PRKCZ: variants seen among roughly 807,000 people sequenced by gnomAD.
PRKCZ encodes the protein protein kinase C zeta type.
In PRKCZ, 33 loss-of-function variants were observed where a neutral mutation model predicts 79.5. The ratio of observed to expected loss-of-function variants is 0.41; its 90% confidence interval spans 0.31 to 0.55. The LOEUF is 0.55. Among genes scored for constraint, PRKCZ ranks in the 20% least tolerant of loss-of-function variants. The probability of loss-of-function intolerance (pLI) is 0.19; values close to 1 mark genes in which losing one functional copy is unlikely to be tolerated. For synonymous variants in PRKCZ, 342 were observed against 320.9 expected, an observed-to-expected ratio of 1.07 and a Z score of -0.70; for missense variants, 578 against 813.5, an observed-to-expected ratio of 0.71 and a Z score of 3.52.
At chr1:2,170,998 G>C (rs1684312271) in intron 11 of PRKCZ, among the ~76,000 whole-genome samples, 1 of 152,156 alleles carries the variant, frequency 6.6e-6, no homozygotes, top group African/African-American at 2.4e-5. Flanking sequence ...CGGTTCTTTG[G>C]GGTATACACC....
intron 4 of PRKCZ, among the ~76,000 whole-genome samples, chr1:2,081,290 A>G (rs1212036601): frequency 6.6e-6 from 1 of 151,054 alleles, no homozygotes. Context: ...AGATTGTTCC[A>G]GCTTTGGGCA....
intron 6 of PRKCZ, chr1:2,145,216 C>T (rs764797589): frequency 2.0e-5 from 3 of 152,256 alleles, no homozygotes; most frequent in African/African-American, 7.2e-5. Context: ...CTCATAGGTC[C>T]ACTTTAGCGT....
At chr1:2,181,795 C>T (rs912573947) in intron 16 of PRKCZ, 6 of 454,972 alleles carry the variant, frequency 1.3e-5, no homozygotes, top group African/African-American at 1.0e-4. Flanking sequence ...AGGGAAAGTA[C>T]TTTAGGAAAT....
chr1:2,169,048 A>G, intron 10 of PRKCZ: 1 of 418,194 alleles, frequency 2.4e-6, no homozygotes, highest in Non-Finnish European at 5.0e-6. Context: ...GTTCCCTTGG[A>G]GGGCCGGTGG....
rs1329261329 is a variant in PRKCZ, at chr1:2,168,991, G to A, written c.975-527G>A. On this transcript the variant is annotated intron_variant, in intron 10 of 17. Transcript: ENST00000378567. The surrounding 1 kb of genome is among the most constrained non-coding windows in gnomAD (Gnocchi z 4.7). ...TTTAAAATCATACGATCATGTCTGC[G>A]AAACCGGGATGCCACTTCCCACCTG... The A allele has an allele frequency of 1.4e-5, 5 of 367,110 alleles. No homozygotes were observed. Among genetic ancestry groups the A allele is most frequent in the Admixed American group, 6.5e-5 (2 of 30,674 alleles). 22.7% of individuals were successfully genotyped at this position (367,110 alleles called of 1,614,324 possible). A position where few individuals can be genotyped will look rare whatever the true frequency, so the allele number is the denominator to read the frequency against.
At chr1:2,087,000 T>C (rs555748574) in intron 4 of PRKCZ, among the ~76,000 whole-genome samples, 139 of 152,314 alleles carry the variant, frequency 9.1e-4, no homozygotes, top group South Asian at 5.6e-3. Context: ...TTTGTTGTCT[T>C]TCGTGGGGTT....
intron 4 of PRKCZ, among the ~76,000 whole-genome samples, chr1:2,129,605 C>T (rs1343300993): frequency 6.6e-6 from 1 of 152,152 alleles, no homozygotes; most frequent in East Asian, 1.9e-4. Context: ...AACAGTGTAG[C>T]AGGCGGGTGG....
At chr1:2,117,507 C>T (rs542255174) in intron 4 of PRKCZ, among the ~76,000 whole-genome samples, 81 of 152,104 alleles carry the variant, frequency 5.3e-4, no homozygotes, top group South Asian at 8.3e-4. Context: ...TGTCAGTGAC[C>T]GGCTGTTTGT....
rs1044471105 is a variant in PRKCZ, at chr1:2,144,267, A to G, written c.478A>G (p.Arg160Gly). 1.3e-6 allele frequency: 2 copies of G among 1,560,838 alleles called. No homozygotes were observed. The highest frequency in any genetic ancestry group is 1.2e-5 in the South Asian group (1 of 84,758). ...ATGGGGCCTCGCGAGGCAAGGCTAC[A>G]GGTGCATCAACTGCAAACTGCTGGT... ...RIWGLARQGY[R>G]CINCKLLVHK... The change falls in exon 6 of 18, where the codon AGG becomes GGG. Residue 160 changes from arginine to glycine, a missense_variant. This residue lies in a region of PRKCZ where 16 missense variants were observed against 37.4 expected (regional missense o/e 0.43). Transcript: ENST00000378567.
At chr1:2,067,824 C>T (rs1661246308) in intron 4 of PRKCZ, among the ~76,000 whole-genome samples, 1 of 152,194 alleles carries the variant, frequency 6.6e-6, no homozygotes, top group South Asian at 2.1e-4. Flanking sequence ...ATTTTTGTTT[C>T]AATACTCAAA....
intron 4 of PRKCZ, among the ~76,000 whole-genome samples, chr1:2,097,676 A>G (rs1286043793): frequency 6.6e-6 from 1 of 152,062 alleles, no homozygotes; most frequent in Non-Finnish European, 1.5e-5. Flanking sequence ...CACGCCTCGC[A>G]CCGTGCTCCT....
intron 4 of PRKCZ, among the ~76,000 whole-genome samples, chr1:2,090,173 T>G (rs1665244050): frequency 2.0e-5 from 3 of 152,322 alleles, no homozygotes; most frequent in South Asian, 4.1e-4. Context: ...TATGTGTAAA[T>G]AAGGGCATGT....
At chr1:2,106,734 C>T (rs1269288460) in intron 4 of PRKCZ, among the ~76,000 whole-genome samples, 1 of 118,620 alleles carries the variant, frequency 8.4e-6, no homozygotes, top group African/African-American at 3.9e-5. Context: ...GTCACCAGGC[C>T]AGGTAACTCT....
At position 2,128,556 on chromosome 1, in the gene PRKCZ, C is replaced by G. The variant is rs552609612; in HGVS notation, c.335-6706C>G. On this transcript the variant is annotated intron_variant, in intron 4 of 17. Coordinates refer to ENST00000378567, the MANE Select transcript of PRKCZ (RefSeq NM_002744.6). The surrounding 1 kb of genome is among the most constrained non-coding windows in gnomAD (Gnocchi z 6.5). ...AATTATAGAATCTCAAAGACACGCACAGAGCTCCTTGAGGTTGTCGGAGTT... is the reference window on the plus strand; with the variant it reads ...AATTATAGAATCTCAAAGACACGCAGAGAGCTCCTTGAGGTTGTCGGAGTT... 2.6e-4 allele frequency among the ~76,000 whole-genome samples: 39 copies of G among 152,366 alleles called. No homozygotes were observed. The highest frequency in any genetic ancestry group is 7.8e-4 in the Admixed American group (12 of 15,304).
rs879712536 is a variant in PRKCZ, at chr1:2,094,258, C to T, written c.334+34667C>T. Among the ~76,000 whole-genome samples, 33 of 152,154 alleles carry T rather than the reference C, an allele frequency of 2.2e-4. No homozygotes were observed. The highest frequency in any genetic ancestry group is 2.2e-4 in the Non-Finnish European group (15 of 68,034). On this transcript the variant is annotated intron_variant, in intron 4 of 17. Transcript: ENST00000378567. The surrounding 1 kb of genome is among the most constrained non-coding windows in gnomAD (Gnocchi z 7.3). The stretch of plus-strand genomic sequence containing the variant: ...TCCTGCTGTGCCAAGCCTGGTGACC[C>T]GAGGGTACCCTCGGCCTCCCGGCCT...
Position 2,161,173 on chromosome 1 carries a change from C to T in PRKCZ, c.974+5081C>T, listed in dbSNP as rs113561298. Reference sequence around the variant, plus strand: ...CCCAGCGTGGGCGCAGCCGCCTCAGCCTTTGTTCTGCCGACACACGGTGAC... The same window carrying T: ...CCCAGCGTGGGCGCAGCCGCCTCAGTCTTTGTTCTGCCGACACACGGTGAC... On this transcript the variant is annotated intron_variant, in intron 10 of 17. Coordinates refer to ENST00000378567, the MANE Select transcript of PRKCZ (RefSeq NM_002744.6). Among the ~76,000 whole-genome samples, 426 of 152,346 alleles carry T rather than the reference C, an allele frequency of 2.8e-3. 2 individuals are homozygous for T. Among genetic ancestry groups the T allele is most frequent in the African/African-American group, 9.8e-3 (408 of 41,584 alleles).
intron 10 of PRKCZ, among the ~76,000 whole-genome samples, chr1:2,163,974 C>G (rs1002637007): frequency 6.6e-6 from 1 of 151,964 alleles, no homozygotes; most frequent in African/African-American, 2.4e-5. Flanking sequence ...ATCATTGTTA[C>G]GATTTTTACT....
At chr1:2,067,493 C>T (rs1303960014) in intron 4 of PRKCZ, among the ~76,000 whole-genome samples, 1 of 152,184 alleles carries the variant, frequency 6.6e-6, no homozygotes, top group Non-Finnish European at 1.5e-5. Flanking sequence ...GCTGGTCACG[C>T]CCCGGTCGAG....
At chr1:2,137,330 T>C (rs1023651904) in intron 5 of PRKCZ, among the ~76,000 whole-genome samples, 2 of 152,246 alleles carry the variant, frequency 1.3e-5, no homozygotes, top group East Asian at 1.9e-4. Flanking sequence ...CCCACCCACA[T>C]TGAGGGTGGG....
Sources: allele counts gnomAD v4.1 joint callset (sites outside exome capture counted in the v4.1 genomes callset), GRCh38; gene constraint gnomAD v4.1.1; regional missense constraint gnomAD v4.1.1; non-coding constraint Gnocchi (gnomAD v3.1); transcripts MANE v1.5; gene names NCBI Gene and HGNC (gene_info 2026-07-23, HGNC 2026-07-21).